Variants in CDH6 observed in about 807,000 individuals in gnomAD.
The protein encoded by CDH6 is cadherin-6.
CDH6 carries 31 observed loss-of-function variants against 78.0 expected under a neutral mutation model. The ratio of observed to expected loss-of-function variants is 0.40; its 90% confidence interval spans 0.30 to 0.54. The LOEUF (loss-of-function observed/expected upper bound fraction) is 0.54. CDH6 is among the 20% of genes least tolerant of loss of function. The pLI is 0.56. For synonymous variants in CDH6, 376 were observed against 368.8 expected (o/e 1.02, Z -0.23); for missense variants, 724 against 975.9 (o/e 0.74, Z 3.44).
intron 1 of CDH6, chr5:31,251,945 G>A (rs1007302425): frequency 2.6e-5 from 4 of 152,158 alleles, no homozygotes; most frequent in Non-Finnish European, 5.9e-5. Flanking sequence ...AATAAAGACT[G>A]CGCCTAATTT....
intron 11 of CDH6, chr5:31,318,440 T>C (rs1738389988): frequency 1.6e-5 from 4 of 255,770 alleles, no homozygotes; most frequent in Non-Finnish European, 2.3e-5. Flanking sequence ...TTTAAATGAT[T>C]ACCTTCTTAG....
rs1019587359 is a variant in CDH6 at position 31,294,586 on chromosome 5, C to A, written c.523+330C>A. Reference sequence around the variant, plus strand: ...AAGCAACCTTCTCCACTTCTCTTAGCCTATGTGGGTGTTAGGGTCCAAGTA... The same window carrying A: ...AAGCAACCTTCTCCACTTCTCTTAGACTATGTGGGTGTTAGGGTCCAAGTA... On this transcript the variant is annotated intron_variant, in intron 3 of 11. Coordinates refer to ENST00000265071, the MANE Select transcript of CDH6 (RefSeq NM_004932.4). This position sits in a 1 kb window ranked among gnomAD's most constrained non-coding sequence, Gnocchi z 4.1. 1.3e-5 allele frequency among the ~76,000 whole-genome samples: 2 copies of A among 151,952 alleles called. No individual in the cohort carries two copies. Among genetic ancestry groups the A allele is most frequent in the Non-Finnish European group, 2.9e-5 (2 of 68,008 alleles).
rs117915287 is a variant in CDH6, at chr5:31,302,445, G to A, written c.999+147G>A. The stretch of plus-strand genomic sequence containing the variant: ...TTTCAGAAAAATGCCAGTTCTGGCC[G>A]GGCATGGTGGCTCCCGCCTGTAATC... On this transcript the variant is annotated intron_variant, in intron 6 of 11. Coordinates refer to ENST00000265071, the MANE Select transcript of CDH6 (RefSeq NM_004932.4). 1,326 of 619,598 alleles carry A rather than the reference G, an allele frequency of 2.1e-3. 21 individuals carry two copies. Among genetic ancestry groups the A allele is most frequent in the African/African-American group, 0.02 (1,110 of 55,074 alleles). The allele number at this position is 619,598 out of a possible 1,614,324, so 38.4% of individuals were successfully genotyped here. A position where few individuals can be genotyped will look rare whatever the true frequency, so the allele number is the denominator to read the frequency against.
chr5:31,254,678 T>A (rs1479532686), intron 1 of CDH6, among the ~76,000 whole-genome samples: 1 of 152,220 alleles, frequency 6.6e-6, no homozygotes, highest in African/African-American at 2.4e-5. Flanking sequence ...GGAAAATAAT[T>A]TTCTTAATAA....
chr5:31,268,903 A>T (rs1370739698), intron 2 of CDH6, among the ~76,000 whole-genome samples: 1 of 152,184 alleles, frequency 6.6e-6, no homozygotes, highest in Non-Finnish European at 1.5e-5. Flanking sequence ...ATTAATGTAG[A>T]ATAAAGTAAG....
Position 31,199,638 on chromosome 5 carries a change from C to CATTTGTGTGTGTGT in CDH6, c.-129+5752_-129+5753insATTTGTGTGTGTGT, listed in dbSNP as rs1579804877. Among the ~76,000 whole-genome samples, 7 of 108,850 alleles carry CATTTGTGTGTGTGT rather than the reference C, an allele frequency of 6.4e-5. No individual in the cohort carries two copies. The East Asian group carries it at 1.6e-3, about 24-fold the overall frequency. 71.4% of individuals were successfully genotyped at this position (108,850 alleles called of 152,430 possible). A position where few individuals can be genotyped will look rare whatever the true frequency, so the allele number is the denominator to read the frequency against. ...GAAGGAAAAGAGTTGATAATATATA[C>CATTTGTGTGTGTGT]GTTTGTGTGTGTGTGTATGTGTGTG... On this transcript the variant is annotated intron_variant, in intron 1 of 11. Coordinates refer to ENST00000265071, the MANE Select transcript of CDH6 (RefSeq NM_004932.4).
chr5:31,237,303 A>T lies in CDH6; in HGVS notation c.-128-30043A>T, dbSNP rs574017709. Among the ~76,000 whole-genome samples, 14 of 152,268 alleles carry T rather than the reference A, an allele frequency of 9.2e-5. No homozygotes were observed. In the South Asian group the frequency reaches 2.9e-3, roughly 32 times the overall value. Reference sequence around the variant, plus strand: ...ACGAGGTAAGCAAATCTGTGTCCTTAAAAGGATGGAGGTGTCAGCAGATGG... The same window carrying T: ...ACGAGGTAAGCAAATCTGTGTCCTTTAAAGGATGGAGGTGTCAGCAGATGG... On this transcript the variant is annotated intron_variant, in intron 1 of 11. Transcript: ENST00000265071.
chr5:31,317,042 G>C (rs1428796853), intron 9 of CDH6, among the ~76,000 whole-genome samples: 2 of 152,088 alleles, frequency 1.3e-5, no homozygotes, highest in Non-Finnish European at 2.9e-5. Context: ...TCTCAATCAG[G>C]GTGATTTCCT....
At chr5:31,202,690 T>C (rs1202444783) in intron 1 of CDH6, among the ~76,000 whole-genome samples, 2 of 151,374 alleles carry the variant, frequency 1.3e-5, no homozygotes, top group Non-Finnish European at 2.9e-5. Context: ...TGTATGTATA[T>C]ATACACATAT....
intron 1 of CDH6, among the ~76,000 whole-genome samples, chr5:31,202,504 G>C (rs1012915931): frequency 6.6e-6 from 1 of 151,926 alleles, no homozygotes; most frequent in Non-Finnish European, 1.5e-5. Context: ...AGATATGGTG[G>C]CAGGCACCTA....
Position 31,326,450 on chromosome 5 carries a change from C to A in CDH6, c.*3142C>A, listed in dbSNP as rs911054619. On this transcript the variant is annotated 3_prime_UTR_variant, in exon 12 of 12. Coordinates refer to ENST00000265071, the MANE Select transcript of CDH6 (RefSeq NM_004932.4). ...GTAAATAAACCAAATGGGAAAGAAG[C>A]AAAGATTATTCCATAGAACCACAAG... 3 of 202,078 alleles carry A rather than the reference C, an allele frequency of 1.5e-5. No homozygotes were observed. The highest frequency in any genetic ancestry group is 3.0e-5 in the Non-Finnish European group (3 of 98,382). 12.5% of individuals were successfully genotyped at this position (202,078 alleles called of 1,614,324 possible).
intron 1 of CDH6, among the ~76,000 whole-genome samples, chr5:31,204,467 T>C (rs1010077717): frequency 1.3e-5 from 2 of 152,014 alleles, no homozygotes; most frequent in African/African-American, 4.8e-5. Flanking sequence ...AGCAACTGAG[T>C]TTAATTTGAT....
chr5:31,211,409 A>AG (rs59913681), intron 1 of CDH6, among the ~76,000 whole-genome samples: 126,419 of 151,406 alleles, frequency 0.83, 52,996 homozygotes, highest in Middle Eastern at 0.9. Context: ...AAAAAAAAAA[A>AG]TGTTCTTCAA....
rs543951967 is a variant in CDH6, at chr5:31,302,555, A to C, written c.999+257A>C. 2.4e-5 allele frequency: 7 copies of C among 294,416 alleles called. No individual in the cohort carries two copies. In the South Asian group the frequency reaches 4.7e-4, roughly 20 times the overall value. The allele number at this position is 294,416 out of a possible 1,614,324, so 18.2% of individuals were successfully genotyped here. On this transcript the variant is annotated intron_variant, in intron 6 of 11. Transcript: ENST00000265071. ...ATGGCAAAACCTATCTCTGTTAAAA[A>C]TACAAAAATTAGCCAGGCGTGGTGG... is the stretch of plus-strand genomic sequence containing the variant.
At chr5:31,198,048 AC>A (rs1243083611) in intron 1 of CDH6, among the ~76,000 whole-genome samples, 5 of 152,088 alleles carry the variant, frequency 3.3e-5, no homozygotes, top group Non-Finnish European at 7.4e-5. Flanking sequence ...AGTATAAACA[AC>A]CCTTCAAAGA....
intron 1 of CDH6, among the ~76,000 whole-genome samples, chr5:31,200,928 G>A (rs777595637): frequency 6.6e-6 from 1 of 152,128 alleles, no homozygotes; most frequent in African/African-American, 2.4e-5. Flanking sequence ...GCTTAAAGAT[G>A]ACTTTATCTA....
At chr5:31,245,113 G>A (rs2149921330) in intron 1 of CDH6, among the ~76,000 whole-genome samples, 1 of 152,328 alleles carries the variant, frequency 6.6e-6, no homozygotes, top group South Asian at 2.1e-4. Context: ...CTAGCAGGAA[G>A]CAAGTCCCAG....
chr5:31,212,418 G>T (rs1740733031), intron 1 of CDH6, among the ~76,000 whole-genome samples: 1 of 152,126 alleles, frequency 6.6e-6, no homozygotes, highest in African/African-American at 2.4e-5. Flanking sequence ...TGCCACCGGG[G>T]CTAATATTCC....
At position 31,325,878 on chromosome 5, in the gene CDH6, A is replaced by G; in HGVS notation, c.*2570A>G. 4.3e-6 allele frequency: 1 copy of G among 231,826 alleles called. No individual in the cohort carries two copies. Among genetic ancestry groups the G allele is most frequent in the East Asian group, 6.1e-5 (1 of 16,336 alleles). The allele number at this position is 231,826 out of a possible 1,614,324, so 14.4% of individuals were successfully genotyped here. A position where few individuals can be genotyped will look rare whatever the true frequency, so the allele number is the denominator to read the frequency against. On this transcript the variant is annotated 3_prime_UTR_variant, in exon 12 of 12. Coordinates refer to ENST00000265071, the MANE Select transcript of CDH6 (RefSeq NM_004932.4). ...TTAGTACCAGGGTACTGTAAGTATC[A>G]AGTTGGAGTGACGTTTTCCTATAAT...
Sources: gnomAD v4.1 joint callset for allele counts (sites outside exome capture counted in the v4.1 genomes callset) on GRCh38, gnomAD v4.1.1 for gene constraint, Gnocchi (gnomAD v3.1) non-coding constraint, MANE v1.5 for transcripts, NCBI Gene and HGNC (gene_info 2026-07-23, HGNC 2026-07-21) for gene names.